The following KIF6 variants were observed in gnomAD, a reference collection of about 807,000 sequenced individuals.
KIF6 encodes kinesin-like protein KIF6.
A neutral mutation model predicts 112.7 loss-of-function variants in KIF6; 106 were observed. The observed-to-expected ratio is 0.94, with a 90% confidence interval of 0.80 to 1.11. KIF6 has a LOEUF of 1.11. Ranked by LOEUF, KIF6 falls within the 50% of genes least tolerant of loss-of-function variation. The pLI is 0.00. For missense variants in KIF6, 929 were observed against 964.0 expected, an observed-to-expected ratio of 0.96 and a Z score of 0.48; for synonymous variants, 339 against 339.9, an observed-to-expected ratio of 1.00 and a Z score of 0.03.
At chr6:39,535,062 G>A (rs1485254709) in intron 13 of KIF6, among the ~76,000 whole-genome samples, 1 of 152,154 alleles carries the variant, frequency 6.6e-6, no homozygotes, top group Non-Finnish European at 1.5e-5. Flanking sequence ...CCTGAAGGAA[G>A]CACTAAACAT....
At chr6:39,524,290 A>C (rs576186860) in intron 13 of KIF6, among the ~76,000 whole-genome samples, 4 of 152,178 alleles carry the variant, frequency 2.6e-5, no homozygotes, top group Non-Finnish European at 5.9e-5. Flanking sequence ...AATGTTAAAA[A>C]TAGTGATTAG....
At chr6:39,424,329 C>T (rs10947811) in intron 14 of KIF6, among the ~76,000 whole-genome samples, 1 of 152,024 alleles carries the variant, frequency 6.6e-6, no homozygotes, top group Non-Finnish European at 1.5e-5. Flanking sequence ...GCACCCTGCA[C>T]TTCTGCCATC....
intron 13 of KIF6, among the ~76,000 whole-genome samples, chr6:39,455,482 T>G (rs943811783): frequency 6.6e-6 from 1 of 152,108 alleles, no homozygotes; most frequent in Non-Finnish European, 1.5e-5. Flanking sequence ...TCCAAAGGAA[T>G]GCAGTTCCTC....
chr6:39,538,798 C>T (rs1261873919), intron 13 of KIF6, among the ~76,000 whole-genome samples: 2 of 148,040 alleles, frequency 1.4e-5, no homozygotes, highest in Non-Finnish European at 3.0e-5. Flanking sequence ...TTCACAATAG[C>T]AAAGACTTGG....
At position 39,416,463 on chromosome 6, in the gene KIF6, A is replaced by T. The variant is rs569244854; in HGVS notation, c.1810+3485T>A. Among the ~76,000 whole-genome samples, 4 of 152,340 alleles carry T rather than the reference A, an allele frequency of 2.6e-5. No homozygotes were observed. In the East Asian group the frequency reaches 7.7e-4, roughly 29 times the overall value. On this transcript the variant is annotated intron_variant, in intron 15 of 22. Coordinates refer to ENST00000287152, the MANE Select transcript of KIF6 (RefSeq NM_145027.6). ...TAGATACAATAAAAATGGCTCTCCG[A>T]CAGAAACACAGACTCTTATTATTTT...
intron 1 of KIF6, among the ~76,000 whole-genome samples, chr6:39,721,757 T>TCACCATAAAATTGTAATG (rs1790230552): frequency 6.7e-6 from 1 of 148,332 alleles, no homozygotes; most frequent in Non-Finnish European, 1.5e-5. Context: ...GTAATGGAAA[T>TCACCATAAAATTGTAATG]CACCATAAAA....
At chr6:39,395,822 G>A (rs753759558) in intron 15 of KIF6, among the ~76,000 whole-genome samples, 1 of 152,178 alleles carries the variant, frequency 6.6e-6, no homozygotes, top group Non-Finnish European at 1.5e-5. Flanking sequence ...GGGAGGTAGA[G>A]GGCAGGTTCA....
At chr6:39,426,700 A>G (rs1446310261) in intron 14 of KIF6, among the ~76,000 whole-genome samples, 2 of 152,072 alleles carry the variant, frequency 1.3e-5, no homozygotes, top group Non-Finnish European at 2.9e-5. Context: ...GCAGTAAGCC[A>G]TGATCACACC....
intron 15 of KIF6, among the ~76,000 whole-genome samples, chr6:39,419,029 G>A (rs1324569826): frequency 6.6e-6 from 1 of 152,000 alleles, no homozygotes; most frequent in East Asian, 1.9e-4. Context: ...TTTTAGTTTG[G>A]GATGAAAAAA....
At chr6:39,394,431 T>G (rs1768107388) in intron 15 of KIF6, among the ~76,000 whole-genome samples, 2 of 152,206 alleles carry the variant, frequency 1.3e-5, no homozygotes, top group South Asian at 4.2e-4. Flanking sequence ...GCGACAGGGA[T>G]AGGGGAAATA....
intron 5 of KIF6, chr6:39,620,249 A>AAAT (rs1783741330): frequency 6.6e-6 from 1 of 152,166 alleles, no homozygotes; most frequent in African/African-American, 2.4e-5. Flanking sequence ...CCGTGCACTA[A>AAAT]AATTTGTTTT....
intron 10 of KIF6, among the ~76,000 whole-genome samples, chr6:39,566,388 T>C (rs1780278616): frequency 6.6e-6 from 1 of 152,220 alleles, no homozygotes; most frequent in African/African-American, 2.4e-5. Flanking sequence ...CTTTTGAATT[T>C]CCAAATATCT....
rs1049631871 is a variant in KIF6, at chr6:39,388,780, C to T, written c.1811-3108G>A. The stretch of plus-strand genomic sequence containing the variant: ...TTTGGCCTGGGTTCCTGGACACATC[C>T]CCATCCAGAGGTATGGAAAAGAGAT... On this transcript the variant is annotated intron_variant, in intron 15 of 22. Coordinates refer to ENST00000287152, the MANE Select transcript of KIF6 (RefSeq NM_145027.6). 2.1e-4 allele frequency among the ~76,000 whole-genome samples: 32 copies of T among 152,084 alleles called. 1 individual carries two copies. Among genetic ancestry groups the T allele is most frequent in the African/African-American group, 7.5e-4 (31 of 41,410 alleles).
chr6:39,590,841 G>A (rs1426358922), intron 7 of KIF6, among the ~76,000 whole-genome samples: 1 of 152,120 alleles, frequency 6.6e-6, no homozygotes, highest in Non-Finnish European at 1.5e-5. Context: ...TTAATTATAA[G>A]GGAAATTTAT....
At chr6:39,590,066 A>T (rs1372150978) in intron 7 of KIF6, among the ~76,000 whole-genome samples, 1 of 152,040 alleles carries the variant, frequency 6.6e-6, no homozygotes, top group East Asian at 1.9e-4. Context: ...TTTCAGTGTA[A>T]TTGGAAAGGA....
At chr6:39,715,230 T>C (rs1789766079) in intron 2 of KIF6, among the ~76,000 whole-genome samples, 2 of 152,198 alleles carry the variant, frequency 1.3e-5, no homozygotes, top group South Asian at 4.1e-4. Flanking sequence ...TGAACTAAAG[T>C]TTATTTTTCC....
intron 14 of KIF6, among the ~76,000 whole-genome samples, chr6:39,423,362 C>T (rs367895667): frequency 1.3e-4 from 20 of 152,218 alleles, no homozygotes; most frequent in African/African-American, 4.6e-4. Flanking sequence ...TGTCTTTTTC[C>T]CCCTCTCTCT....
rs1014639506 is a variant in KIF6 at position 39,649,169 on chromosome 6, G to C, written c.252-9412C>G. ...ATAAATAAGTAAATAAATAAAATAA[G>C]TCATAAAAGTAAAAATAAAATAAAA... On this transcript the variant is annotated intron_variant, in intron 3 of 22. Coordinates refer to ENST00000287152, the MANE Select transcript of KIF6 (RefSeq NM_145027.6). Among the ~76,000 whole-genome samples the C allele has an allele frequency of 9.7e-4, 147 of 151,004 alleles. 2 individuals are homozygous for C. The highest frequency in any genetic ancestry group is 9.5e-3 in the Admixed American group (145 of 15,208).
chr6:39,344,808 TCTC>T (rs1243361336), intron 21 of KIF6, among the ~76,000 whole-genome samples: 2 of 152,096 alleles, frequency 1.3e-5, no homozygotes, highest in African/African-American at 2.4e-5. Context: ...AGATTACTGT[TCTC>T]CTGTCTCTCC....
Sources: gnomAD v4.1 joint callset for allele counts (sites outside exome capture counted in the v4.1 genomes callset) on GRCh38, gnomAD v4.1.1 for gene constraint, MANE v1.5 for transcripts, NCBI Gene and HGNC (gene_info 2026-07-23, HGNC 2026-07-21) for gene names.